EBF3: variants seen among roughly 807,000 people sequenced by gnomAD.
The protein encoded by EBF3 is transcription factor COE3.
EBF3 carries 18 observed loss-of-function variants against 77.1 expected under a neutral mutation model. That is an observed-to-expected ratio of 0.23 (90% CI 0.16 to 0.35). The LOEUF (loss-of-function observed/expected upper bound fraction) is 0.35. Ranked by LOEUF, EBF3 falls within the 10% of genes least tolerant of loss-of-function variation. The probability of loss-of-function intolerance (pLI) is 1.00; values close to 1 mark genes in which losing one functional copy is unlikely to be tolerated. For missense variants in EBF3, 558 were observed against 860.0 expected (o/e 0.65, Z 4.39); for synonymous variants, 350 against 343.5 (o/e 1.02, Z -0.21).
chr10:129,862,948 TAAAC>T (rs1349757118), intron 10 of EBF3, among the ~76,000 whole-genome samples: 5 of 152,226 alleles, frequency 3.3e-5, no homozygotes, highest in Admixed American at 2.6e-4. Context: ...TAATTACTAT[TAAAC>T]AAGCAAATGG....
chr10:129,838,996 A>C, intron 16 of EBF3, 87 bp downstream of exon 16: 1 of 1,212,786 alleles, frequency 8.2e-7, no homozygotes, highest in South Asian at 1.3e-5. Context: ...GATGGCACGC[A>C]GGCCAGTCGG....
intron 15 of EBF3, among the ~76,000 whole-genome samples, chr10:129,840,020 G>C (rs1849902792): frequency 6.6e-6 from 1 of 152,260 alleles, no homozygotes; most frequent in Admixed American, 6.5e-5. Context: ...TCGGAAGGGT[G>C]AGCTGGACAA....
chr10:129,891,933 T>A (rs180857841), intron 6 of EBF3, among the ~76,000 whole-genome samples: 41 of 152,316 alleles, frequency 2.7e-4, no homozygotes, highest in African/African-American at 9.4e-4. Flanking sequence ...TCCGGGAAAT[T>A]CCGAGATTCC....
intron 6 of EBF3, among the ~76,000 whole-genome samples, chr10:129,913,044 T>C (rs1159964764): frequency 1.3e-5 from 2 of 152,222 alleles, no homozygotes; most frequent in South Asian, 2.1e-4. Flanking sequence ...AACCGAAATG[T>C]TGATTCACAA....
chr10:129,935,920 G>C lies in EBF3; in HGVS notation c.554+21338C>G, dbSNP rs866074178. On this transcript the variant is annotated intron_variant, in intron 6 of 16. Coordinates refer to ENST00000440978, the MANE Select transcript of EBF3 (RefSeq NM_001375380.1). This position sits in a 1 kb window ranked among gnomAD's most constrained non-coding sequence, Gnocchi z 4.2. ...GGCCGGGGAAGGCAGAGCCCAAGCA[G>C]CCCTGGAGCACCAGGGCCCCTCCTC... Among the ~76,000 whole-genome samples, 5 of 152,154 alleles carry C rather than the reference G, an allele frequency of 3.3e-5. No individual in the cohort carries two copies. The South Asian group carries it at 1.0e-3, about 32-fold the overall frequency.
intron 6 of EBF3, among the ~76,000 whole-genome samples, chr10:129,926,788 C>T (rs1856706830): frequency 6.6e-6 from 1 of 152,234 alleles, no homozygotes; most frequent in Non-Finnish European, 1.5e-5. Context: ...GGAGGACACA[C>T]ATAGCCAAGG....
At chr10:129,883,244 G>A (rs1005485705) in intron 6 of EBF3, among the ~76,000 whole-genome samples, 8 of 152,094 alleles carry the variant, frequency 5.3e-5, no homozygotes, top group South Asian at 4.1e-4. Context: ...TCATCAAACC[G>A]AGCTGTGACT....
In EBF3 at chr10:129,861,924, G is replaced by A. The variant is rs1851666916; in HGVS notation, c.1039+5217C>T. On this transcript the variant is annotated intron_variant, in intron 10 of 16. Transcript: ENST00000440978. This position sits in a 1 kb window ranked among gnomAD's most constrained non-coding sequence, Gnocchi z 4.3. Reference sequence around the variant, plus strand: ...ACAGCAAGCTGGGGCTGGCGTGGTCGAAGGGCACAGTCGACTCCGCAGTGC... The same window carrying A: ...ACAGCAAGCTGGGGCTGGCGTGGTCAAAGGGCACAGTCGACTCCGCAGTGC... 1.3e-5 allele frequency among the ~76,000 whole-genome samples: 2 copies of A among 152,192 alleles called. No individual in the cohort carries two copies. The highest frequency in any genetic ancestry group is 2.4e-5 in the African/African-American group (1 of 41,454).
rs1239756024 is a variant in EBF3 at position 129,952,814 on chromosome 10, T to C, written c.554+4444A>G. Among the ~76,000 whole-genome samples, 1 of 152,134 alleles carries C rather than the reference T, an allele frequency of 6.6e-6. No individual in the cohort carries two copies. The highest frequency in any genetic ancestry group is 1.5e-5 in the Non-Finnish European group (1 of 68,034). On this transcript the variant is annotated intron_variant, in intron 6 of 16. Coordinates refer to ENST00000440978, the MANE Select transcript of EBF3 (RefSeq NM_001375380.1). The surrounding 1 kb of genome is among the most constrained non-coding windows in gnomAD (Gnocchi z 4.7). ...AGCTAATAAAAAATATAATGAGTGT[T>C]CAGCAAAATCGGCATTAGGCCCAAA...
chr10:129,904,427 T>C (rs910952403), intron 6 of EBF3, among the ~76,000 whole-genome samples: 8 of 152,076 alleles, frequency 5.3e-5, no homozygotes, highest in African/African-American at 1.9e-4. Context: ...GATGATTAAA[T>C]GGACAGATGG....
intron 8 of EBF3, among the ~76,000 whole-genome samples, chr10:129,872,328 C>T (rs1351703704): frequency 6.6e-6 from 1 of 152,182 alleles, no homozygotes; most frequent in Non-Finnish European, 1.5e-5. Flanking sequence ...GACATCGGTG[C>T]TTAGGGCGAC....
At chr10:129,876,885 A>ACCCCCCCCCCCCCCCCCCCCCCCCCCCC (rs10573399) in intron 7 of EBF3, among the ~76,000 whole-genome samples, 2 of 42,368 alleles carry the variant, frequency 4.7e-5, no homozygotes, top group African/African-American at 8.2e-5. Context: ...TCATCCCTGA[A>ACCCCCCCCCCCCCCCCCCCCCCCCCCCC]CCCCCCCCCC....
In EBF3 at chr10:129,848,500, T is replaced by G; in HGVS notation, c.1040-20A>C. 1 of 1,612,582 alleles carries G rather than the reference T, an allele frequency of 6.2e-7. No homozygotes were observed. The highest frequency in any genetic ancestry group is 1.3e-5 in the African/African-American group (1 of 75,042). On this transcript the variant is annotated intron_variant, in intron 10 of 16. Coordinates refer to ENST00000440978, the MANE Select transcript of EBF3 (RefSeq NM_001375380.1). This position sits in a 1 kb window ranked among gnomAD's most constrained non-coding sequence, Gnocchi z 4.4. ...TAAGGGCTGCAACAGGACACAGAAATGTAGATCAGGTTAATTACTTTTATG... is the reference window on the plus strand; with the variant it reads ...TAAGGGCTGCAACAGGACACAGAAAGGTAGATCAGGTTAATTACTTTTATG...
At chr10:129,939,930 G>C (rs1245705660) in intron 6 of EBF3, among the ~76,000 whole-genome samples, 1 of 152,242 alleles carries the variant, frequency 6.6e-6, no homozygotes, top group Non-Finnish European at 1.5e-5. Flanking sequence ...TCTAGTGCTA[G>C]AGGGTCCCCC....
intron 11 of EBF3, among the ~76,000 whole-genome samples, chr10:129,844,258 G>A (rs555179479): frequency 1.8e-4 from 27 of 152,320 alleles, no homozygotes; most frequent in Admixed American, 5.2e-4. Context: ...GTGTGGAGGT[G>A]TGTCTACATC....
chr10:129,899,113 A>G (rs1451870152), intron 6 of EBF3, among the ~76,000 whole-genome samples: 1 of 151,834 alleles, frequency 6.6e-6, no homozygotes, highest in Non-Finnish European at 1.5e-5. Context: ...GCTTATCAGC[A>G]GAGTGTCAGA....
At chr10:129,940,791 G>A (rs1010239071) in intron 6 of EBF3, among the ~76,000 whole-genome samples, 11 of 152,138 alleles carry the variant, frequency 7.2e-5, no homozygotes, top group Admixed American at 5.9e-4. Context: ...GGGGAACCGC[G>A]GGGGAGTCTG....
chr10:129,840,124 C>G, intron 15 of EBF3, 121 bp downstream of exon 15: 1 of 1,321,114 alleles, frequency 7.6e-7, no homozygotes, highest in Non-Finnish European at 1.0e-6. Flanking sequence ...TCAAGGTGGG[C>G]CACGGGAGAA....
chr10:129,959,127 C>G (rs1466533473), intron 4 of EBF3, 120 bp from the exon 5 acceptor site: 1 of 1,210,846 alleles, frequency 8.3e-7, no homozygotes, highest in African/African-American at 1.6e-5. Context: ...GGAGGCGATG[C>G]GCCCCCCTCC....
Sources: gnomAD v4.1 joint callset for allele counts (sites outside exome capture counted in the v4.1 genomes callset) on GRCh38, gnomAD v4.1.1 for gene constraint, Gnocchi (gnomAD v3.1) non-coding constraint, MANE v1.5 for transcripts, NCBI Gene and HGNC (gene_info 2026-07-23, HGNC 2026-07-21) for gene names.